The following ST3GAL1 variants were observed in gnomAD, a reference collection of about 807,000 sequenced individuals.
ST3GAL1 encodes the protein ST3 beta-galactoside alpha-2,3-sialyltransferase 1, also known as CMP-N-acetylneuraminate-beta-galactosamide-alpha-2,3-sialyltransferase 1.
ST3GAL1 carries 16 observed loss-of-function variants against 34.1 expected under a neutral mutation model. That is an observed-to-expected ratio of 0.47 (90% CI 0.32 to 0.71). The LOEUF (loss-of-function observed/expected upper bound fraction) is 0.71. Among genes scored for constraint, ST3GAL1 ranks in the 30% least tolerant of loss-of-function variants. ST3GAL1 has a pLI of 0.04. For missense variants in ST3GAL1, 353 were observed against 447.4 expected (o/e 0.79, Z 1.90); for synonymous variants, 191 against 184.7 (o/e 1.03, Z -0.28).
intron 1 of ST3GAL1, among the ~76,000 whole-genome samples, chr8:133,553,036 A>C (rs1452543420): frequency 2.6e-5 from 4 of 152,166 alleles, no homozygotes; most frequent in Non-Finnish European, 4.4e-5. Flanking sequence ...GTCTGTCTTC[A>C]ACACAATATC....
At chr8:133,528,055 G>A (rs889678880) in intron 2 of ST3GAL1, among the ~76,000 whole-genome samples, 1 of 151,788 alleles carries the variant, frequency 6.6e-6, no homozygotes, top group African/African-American at 2.4e-5. Context: ...CACACCTGTA[G>A]TAGCAGCTAC....
intron 2 of ST3GAL1, among the ~76,000 whole-genome samples, chr8:133,528,444 G>A (rs1332124624): frequency 6.6e-6 from 1 of 152,234 alleles, no homozygotes; most frequent in East Asian, 1.9e-4. Flanking sequence ...AGGACAGTCT[G>A]TGCCCTGGAA....
In ST3GAL1 at chr8:133,547,015, A is replaced by AG. The variant is rs1365260904; in HGVS notation, c.-581-1090_-581-1089insC. ...GAGACTCCATCTCAGGAAAAAAAAA[A>AG]AAAAAGACTTCATCTGACAGGAAGA... is the stretch of plus-strand genomic sequence containing the variant. On this transcript the variant is annotated intron_variant, in intron 1 of 9. Transcript: ENST00000522652. Among the ~76,000 whole-genome samples, 660 of 99,262 alleles carry AG rather than the reference A, an allele frequency of 6.6e-3. 6 individuals carry two copies. Among genetic ancestry groups the AG allele is most frequent in the African/African-American group, 0.035 (621 of 17,820 alleles). The allele number at this position is 99,262 out of a possible 152,430, so 65.1% of individuals were successfully genotyped here. A position where few individuals can be genotyped will look rare whatever the true frequency, so the allele number is the denominator to read the frequency against.
intron 3 of ST3GAL1, among the ~76,000 whole-genome samples, chr8:133,494,693 C>T (rs1219898908): frequency 1.3e-5 from 2 of 152,214 alleles, no homozygotes; most frequent in African/African-American, 4.8e-5. Flanking sequence ...CCATTTTCCA[C>T]GACTTTTCCT....
rs1480328549 is a variant in ST3GAL1 at position 133,525,074 on chromosome 8, C to T, written c.-429+20700G>A. ...CCCACCATTCAGCGGGTCCTGAGTT[C>T]TTGTACCATGTCCAGGAAGAATGAG... On this transcript the variant is annotated intron_variant, in intron 2 of 9. Coordinates refer to ENST00000522652, the MANE Select transcript of ST3GAL1 (RefSeq NM_173344.3). 2.0e-5 allele frequency among the ~76,000 whole-genome samples: 3 copies of T among 152,178 alleles called. No homozygotes were observed. In the South Asian group the frequency reaches 6.2e-4, roughly 31 times the overall value.
rs375705143 is a variant in ST3GAL1, at chr8:133,485,264, G to A, written c.-373-8664C>T. ...AGATCTGACCAGTGATAGCTGGGAC[G>A]GGCAGGTGGGCGAGGCAAGAGCCTT... On this transcript the variant is annotated intron_variant, in intron 3 of 9. Transcript: ENST00000522652. 7.9e-5 allele frequency among the ~76,000 whole-genome samples: 12 copies of A among 152,342 alleles called. No individual in the cohort carries two copies. The East Asian group carries it at 1.5e-3, about 20-fold the overall frequency.
intron 6 of ST3GAL1, 123 bp downstream of exon 6, chr8:133,465,771 C>A: frequency 9.3e-7 from 1 of 1,071,358 alleles, no homozygotes; most frequent in Non-Finnish European, 1.3e-6. Flanking sequence ...GCCTGGGGTC[C>A]CTGGGTAAGT....
At chr8:133,515,993 T>C (rs1817634941) in intron 2 of ST3GAL1, among the ~76,000 whole-genome samples, 1 of 152,124 alleles carries the variant, frequency 6.6e-6, no homozygotes, top group Admixed American at 6.5e-5. Context: ...TAGCTGGGAC[T>C]ACAGGTGCCT....
chr8:133,479,082 G>T (rs539472233), intron 3 of ST3GAL1, among the ~76,000 whole-genome samples: 15 of 152,266 alleles, frequency 9.9e-5, no homozygotes, highest in Admixed American at 3.9e-4. Context: ...CCCTTCAATG[G>T]GAAAAACGGA....
intron 3 of ST3GAL1, among the ~76,000 whole-genome samples, chr8:133,482,626 A>G (rs1586603310): frequency 6.6e-6 from 1 of 152,192 alleles, no homozygotes; most frequent in Non-Finnish European, 1.5e-5. Context: ...GATGACTTCC[A>G]ATGCAACACA....
intron 1 of ST3GAL1, among the ~76,000 whole-genome samples, chr8:133,566,029 C>T (rs1451910532): frequency 6.6e-6 from 1 of 152,254 alleles, no homozygotes; most frequent in Non-Finnish European, 1.5e-5. Flanking sequence ...CCAGCCAGGC[C>T]ACATAGGAAG....
intron 3 of ST3GAL1, among the ~76,000 whole-genome samples, chr8:133,490,069 G>A (rs1816741541): frequency 6.6e-6 from 1 of 152,146 alleles, no homozygotes; most frequent in African/African-American, 2.4e-5. Context: ...AAAGTCCCCA[G>A]GGGCTCTTCG....
chr8:133,547,805 G>A lies in ST3GAL1; in HGVS notation c.-581-1879C>T, dbSNP rs1319130321. 2.6e-5 allele frequency among the ~76,000 whole-genome samples: 4 copies of A among 152,216 alleles called. No individual in the cohort carries two copies. The South Asian group carries it at 6.2e-4, about 24-fold the overall frequency. ...TATACCGCTGGCAATGGTGATACAT[G>A]AGGATAAACTTGTGTGTTAGGAAGA... On this transcript the variant is annotated intron_variant, in intron 1 of 9. Coordinates refer to ENST00000522652, the MANE Select transcript of ST3GAL1 (RefSeq NM_173344.3).
chr8:133,506,462 C>G (rs1304550903), intron 2 of ST3GAL1, among the ~76,000 whole-genome samples: 1 of 152,146 alleles, frequency 6.6e-6, no homozygotes, highest in Non-Finnish European at 1.5e-5. Context: ...GATGGGCAAC[C>G]TTGAAAGATA....
chr8:133,480,290 G>C (rs1385922113), intron 3 of ST3GAL1, among the ~76,000 whole-genome samples: 1 of 152,212 alleles, frequency 6.6e-6, no homozygotes, highest in East Asian at 1.9e-4. Context: ...CCTAAGGAGA[G>C]TCCCTAATGA....
intron 1 of ST3GAL1, among the ~76,000 whole-genome samples, chr8:133,560,063 T>C (rs892433726): frequency 2.0e-5 from 3 of 152,188 alleles, no homozygotes; most frequent in Non-Finnish European, 4.4e-5. Context: ...AGGGTGGCTA[T>C]AGTAAACAAG....
In ST3GAL1 at chr8:133,556,622, G is replaced by A. The variant is rs893447837; in HGVS notation, c.-581-10696C>T. Among the ~76,000 whole-genome samples the A allele has an allele frequency of 6.6e-6, 1 of 152,102 alleles. No individual in the cohort carries two copies. Among genetic ancestry groups the A allele is most frequent in the East Asian group, 1.9e-4 (1 of 5,188 alleles). ...AACAAGATTTTTAGGATGAAGAAACGAAAGAAGAAAGGGAGGGAGAAAAAG... is the reference window on the plus strand; with the variant it reads ...AACAAGATTTTTAGGATGAAGAAACAAAAGAAGAAAGGGAGGGAGAAAAAG... On this transcript the variant is annotated intron_variant, in intron 1 of 9. Coordinates refer to ENST00000522652, the MANE Select transcript of ST3GAL1 (RefSeq NM_173344.3). This position sits in a 1 kb window ranked among gnomAD's most constrained non-coding sequence, Gnocchi z 8.9.
At chr8:133,511,125 A>G (rs1272913155) in intron 2 of ST3GAL1, among the ~76,000 whole-genome samples, 1 of 152,218 alleles carries the variant, frequency 6.6e-6, no homozygotes, top group African/African-American at 2.4e-5. Context: ...ATACACTTGC[A>G]CATTTTGGCA....
chr8:133,523,144 C>T (rs1817859936), intron 2 of ST3GAL1, among the ~76,000 whole-genome samples: 1 of 152,206 alleles, frequency 6.6e-6, no homozygotes, highest in South Asian at 2.1e-4. Context: ...CCTCTCCCTT[C>T]TGCCCTGCTG....
Sources: allele counts gnomAD v4.1 joint callset (sites outside exome capture counted in the v4.1 genomes callset), GRCh38; gene constraint gnomAD v4.1.1; non-coding constraint Gnocchi (gnomAD v3.1); transcripts MANE v1.5; gene names NCBI Gene and HGNC (gene_info 2026-07-23, HGNC 2026-07-21).